PLEKHH2: variants seen among roughly 807,000 people sequenced by gnomAD.
PLEKHH2 encodes the protein pleckstrin homology domain-containing family H member 2.
PLEKHH2 carries 129 observed loss-of-function variants against 187.9 expected under a neutral mutation model. That is an observed-to-expected ratio of 0.69 (90% confidence interval 0.59 to 0.79). The LOEUF (loss-of-function observed/expected upper bound fraction) is 0.79, where lower values mean the gene tolerates loss of function less well. Ranked by LOEUF, PLEKHH2 falls within the 30% of genes least tolerant of loss-of-function variation. PLEKHH2 has a pLI of 0.00. For missense variants in PLEKHH2, 2,076 were observed against 1,751.2 expected, an observed-to-expected ratio of 1.19 and a Z score of -3.31; for synonymous variants, 686 against 605.6, an observed-to-expected ratio of 1.13 and a Z score of -1.95.
At chr2:43,668,999 A>G (rs1312412082) in intron 2 of PLEKHH2, among the ~76,000 whole-genome samples, 4 of 152,144 alleles carry the variant, frequency 2.6e-5, no homozygotes, top group African/African-American at 9.7e-5. Flanking sequence ...GGAGTAGGGA[A>G]TGGTCAGCTG....
intron 21 of PLEKHH2, chr2:43,741,446 T>C (rs1265351450): frequency 1.3e-5 from 2 of 154,218 alleles, no homozygotes; most frequent in Non-Finnish European, 2.9e-5. Context: ...CCTTTTCTAA[T>C]TGTATGTATT....
intron 24 of PLEKHH2, among the ~76,000 whole-genome samples, chr2:43,749,049 G>A (rs533499374): frequency 8.5e-5 from 13 of 152,280 alleles, no homozygotes; most frequent in African/African-American, 3.1e-4. Context: ...GAGCCACTGC[G>A]CCCAGCCAAG....
At chr2:43,659,634 TG>T (rs2104376247) in intron 2 of PLEKHH2, among the ~76,000 whole-genome samples, 1 of 151,512 alleles carries the variant, frequency 6.6e-6, no homozygotes, top group East Asian at 2.0e-4. Flanking sequence ...CTCAGCTCAC[TG>T]GCAACCTCTG....
intron 6 of PLEKHH2, 99 bp from the exon 7 acceptor site, chr2:43,697,072 A>C: frequency 1.0e-6 from 1 of 991,492 alleles, no homozygotes; most frequent in Non-Finnish European, 1.4e-6. Context: ...TTTTTCTGGC[A>C]TAAAGAGTGA....
In PLEKHH2 at chr2:43,644,671, A is replaced by C; in HGVS notation, c.-3A>C. On this transcript the variant is annotated splice_region_variant and 5_prime_UTR_variant, in exon 2 of 30. Transcript: ENST00000282406. ...TTGTTTATTTATTTAATTTTTTTAGAATATGGCAGAGCTTTCTGAGCCAGA... is the reference window on the plus strand; with the variant it reads ...TTGTTTATTTATTTAATTTTTTTAGCATATGGCAGAGCTTTCTGAGCCAGA... 1 of 1,558,974 alleles carries C rather than the reference A, an allele frequency of 6.4e-7. No individual in the cohort carries two copies. The highest frequency in any genetic ancestry group is 8.7e-7 in the Non-Finnish European group (1 of 1,151,252).
chr2:43,648,511 G>C (rs1666294893), intron 2 of PLEKHH2, among the ~76,000 whole-genome samples: 1 of 149,026 alleles, frequency 6.7e-6, no homozygotes, highest in Non-Finnish European at 1.5e-5. Context: ...TTTCTGAATG[G>C]ACACACTGGT....
intron 21 of PLEKHH2, chr2:43,741,250 T>C (rs1671548327): frequency 1.1e-5 from 4 of 379,734 alleles, no homozygotes; most frequent in African/African-American, 2.1e-5. Context: ...TTGCAATAAA[T>C]ACTTGAAAAA....
intron 27 of PLEKHH2, 58 bp downstream of exon 27, chr2:43,759,087 G>C: frequency 5.2e-6 from 8 of 1,551,126 alleles, no homozygotes; most frequent in Non-Finnish European, 7.0e-6. Flanking sequence ...TAGTTGACCA[G>C]ATTTACCCCA....
chr2:43,677,470 C>A (rs1667877352), intron 2 of PLEKHH2, among the ~76,000 whole-genome samples: 1 of 152,198 alleles, frequency 6.6e-6, no homozygotes, highest in African/African-American at 2.4e-5. Context: ...ATCCATTTAA[C>A]CCTGAGTGGA....
intron 2 of PLEKHH2, among the ~76,000 whole-genome samples, chr2:43,658,246 T>C (rs1666889651): frequency 1.3e-5 from 2 of 152,386 alleles, no homozygotes; most frequent in South Asian, 4.1e-4. Context: ...AGTCTCTGCA[T>C]GTCTCTTAAA....
At chr2:43,692,786 C>A in intron 4 of PLEKHH2, 123 bp downstream of exon 4, 2 of 1,039,332 alleles carry the variant, frequency 1.9e-6, no homozygotes, top group Non-Finnish European at 2.8e-6. Flanking sequence ...TCGGTCAACC[C>A]ATAGGATTGC....
chr2:43,692,791 G>A (rs1203238947), intron 4 of PLEKHH2, 128 bp downstream of exon 4: 2 of 1,028,560 alleles, frequency 1.9e-6, no homozygotes, highest in Non-Finnish European at 2.8e-6. Context: ...CAACCCATAG[G>A]ATTGCATCAC....
chr2:43,726,565 C>A, intron 17 of PLEKHH2, 114 bp downstream of exon 17: 2 of 912,930 alleles, frequency 2.2e-6, no homozygotes, highest in Non-Finnish European at 3.3e-6. Context: ...TTGCTATAGA[C>A]TTTCACCTCT....
intron 2 of PLEKHH2, among the ~76,000 whole-genome samples, chr2:43,667,839 G>T (rs1053783224): frequency 4.6e-5 from 7 of 152,080 alleles, no homozygotes; most frequent in Non-Finnish European, 7.4e-5. Flanking sequence ...TTGAGGTGAT[G>T]AAACTGTTCT....
intron 21 of PLEKHH2, among the ~76,000 whole-genome samples, chr2:43,742,263 AAGTGCTGGG>A (rs1444256241): frequency 6.6e-6 from 1 of 151,964 alleles, no homozygotes; most frequent in East Asian, 1.9e-4. Flanking sequence ...CAGCCTCCCA[AAGTGCTGGG>A]ATTACAGGCA....
chr2:43,651,363 G>A (rs548427413), intron 2 of PLEKHH2, among the ~76,000 whole-genome samples: 1 of 152,192 alleles, frequency 6.6e-6, no homozygotes, highest in Admixed American at 6.5e-5. Context: ...CACCGCGCCC[G>A]GCCCTCAAAT....
intron 17 of PLEKHH2, among the ~76,000 whole-genome samples, chr2:43,729,209 C>T (rs909747681): frequency 1.1e-4 from 17 of 151,964 alleles, no homozygotes; most frequent in Admixed American, 9.2e-4. Context: ...AAAAAAAGAC[C>T]AGGAATCTTT....
At chr2:43,686,421 T>C (rs976306306) in intron 3 of PLEKHH2, among the ~76,000 whole-genome samples, 2 of 152,216 alleles carry the variant, frequency 1.3e-5, no homozygotes, top group African/African-American at 4.8e-5. Flanking sequence ...GGTCTCAAAC[T>C]CCTGACCTCA....
At chr2:43,727,130 C>T (rs1463418202) in intron 17 of PLEKHH2, among the ~76,000 whole-genome samples, 3 of 151,988 alleles carry the variant, frequency 2.0e-5, no homozygotes, top group African/African-American at 4.8e-5. Context: ...AACAAAAGGG[C>T]GGGCTGGGTG....
Sources: allele counts gnomAD v4.1 joint callset (sites outside exome capture counted in the v4.1 genomes callset), GRCh38; gene constraint gnomAD v4.1.1; transcripts MANE v1.5; gene names NCBI Gene and HGNC (gene_info 2026-07-23, HGNC 2026-07-21).